TTC39A: variants seen among roughly 807,000 people sequenced by gnomAD.
TTC39A encodes tetratricopeptide repeat domain 39A.
In TTC39A, 46 loss-of-function variants were observed where a neutral mutation model predicts 82.3. The ratio of observed to expected loss-of-function variants is 0.56; its 90% CI spans 0.44 to 0.71. The LOEUF (loss-of-function observed/expected upper bound fraction) is 0.71, where lower values mean the gene tolerates loss of function less well. Ranked by LOEUF, TTC39A falls within the 30% of genes least tolerant of loss-of-function variation. The pLI is 0.00. For missense variants in TTC39A, 543 were observed against 712.9 expected (o/e 0.76, Z 2.71); for synonymous variants, 254 against 275.2 (o/e 0.92, Z 0.76).
At chr1:51,312,685 A>G in intron 3 of TTC39A, 127 bp downstream of exon 3, 1 of 1,374,190 alleles carries the variant, frequency 7.3e-7, no homozygotes, top group South Asian at 1.3e-5. Context: ...AGCTCTTAGC[A>G]CATGCAGACA....
rs115100514 is a variant in TTC39A, at chr1:51,306,916, G to A, written c.489-840C>T. 4.8e-3 allele frequency among the ~76,000 whole-genome samples: 665 copies of A among 139,966 alleles called. 2 individuals are homozygous for A. The highest frequency in any genetic ancestry group is 0.017 in the African/African-American group (626 of 36,858). The allele number at this position is 139,966 out of a possible 152,430, so 91.8% of individuals were successfully genotyped here. ...GTGATGACAGGCTCCAAGGAGAAGA[G>A]TCCTTGGGCCTGACTTAGTCTGGGG... On this transcript the variant is annotated intron_variant, in intron 6 of 17. Coordinates refer to ENST00000680483, the MANE Select transcript of TTC39A (RefSeq NM_001297663.2).
At chr1:51,312,994 C>A in intron 2 of TTC39A, 51 bp from the exon 3 acceptor site, 1 of 1,587,060 alleles carries the variant, frequency 6.3e-7, no homozygotes. Context: ...GCCCCAGAGG[C>A]AGCTGGTCCT....
chr1:51,292,776 A>C (rs1021497633), intron 14 of TTC39A, among the ~76,000 whole-genome samples: 1 of 152,188 alleles, frequency 6.6e-6, no homozygotes, highest in Non-Finnish European at 1.5e-5. Context: ...CTTCCCCCGA[A>C]ATAAATAAAA....
chr1:51,296,164 A>T lies in TTC39A; in HGVS notation c.1060T>A (p.Tyr354Asn). The T allele has an allele frequency of 6.3e-7, 1 of 1,591,676 alleles. No individual in the cohort carries two copies. Among genetic ancestry groups the T allele is most frequent in the Non-Finnish European group, 8.6e-7 (1 of 1,169,240 alleles). ...SKENCWSKATYIYMKAAYLSM... is the reference protein window; with the variant it reads ...SKENCWSKATNIYMKAAYLSM... Reference sequence around the variant, plus strand: ...AGGTAGGCGGCCTTCATGTAAATGTAGGTGGCCTGTGCGAGACAGAGCAAC... The same window carrying T: ...AGGTAGGCGGCCTTCATGTAAATGTTGGTGGCCTGTGCGAGACAGAGCAAC... Residue 354 changes from tyrosine to asparagine, a missense_variant, in exon 13 of 18, where the codon TAC becomes AAC. Tyr to Asn is a moderately radical substitution (Grantham distance 143). Transcript: ENST00000680483.
intron 2 of TTC39A, among the ~76,000 whole-genome samples, chr1:51,315,030 G>T (rs1645232775): frequency 6.6e-6 from 1 of 151,798 alleles, no homozygotes. Flanking sequence ...AACACCCCCA[G>T]CCCCCAGGCC....
chr1:51,340,020 G>A (rs1421220618), intron 1 of TTC39A, among the ~76,000 whole-genome samples: 2 of 152,072 alleles, frequency 1.3e-5, no homozygotes, highest in Admixed American at 6.6e-5. Flanking sequence ...GAGACTCCTC[G>A]CCCCTTCCTC....
intron 5 of TTC39A, 38 bp from the exon 6 acceptor site, chr1:51,309,363 G>A (rs764291782): frequency 6.2e-7 from 1 of 1,612,318 alleles, no homozygotes; most frequent in South Asian, 1.1e-5. Context: ...TGGCCCAGGT[G>A]GGCAGCTGCA....
At position 51,316,024 on chromosome 1, in the gene TTC39A, G is replaced by T. The variant is rs112540251; in HGVS notation, c.147-3081C>A. 5.6e-3 allele frequency among the ~76,000 whole-genome samples: 851 copies of T among 152,300 alleles called. 8 individuals carry two copies. The highest frequency in any genetic ancestry group is 0.019 in the African/African-American group (786 of 41,538). The stretch of plus-strand genomic sequence containing the variant: ...TTTCTATTTGGCAATGAGCCCCAGG[G>T]AATGAGGCAGCCCTCCTGACCAGCC... On this transcript the variant is annotated intron_variant, in intron 2 of 17. Coordinates refer to ENST00000680483, the MANE Select transcript of TTC39A (RefSeq NM_001297663.2).
chr1:51,330,441 C>A lies in TTC39A; in HGVS notation c.37G>T (p.Ala13Ser), dbSNP rs949640493. ...GCCTCCCAGCCGCGCACTTACCCCG[C>A]GGGCAGGGCTCCTGGGGCGCCGCCA... ...SAGGAPGALPAGTPESSLHEA... is the reference protein window; with the variant it reads ...SAGGAPGALPSGTPESSLHEA... The change falls in exon 1 of 18, where the codon GCG becomes TCG. Residue 13 changes from alanine (A) to serine (S), a missense_variant. Transcript: ENST00000680483. The surrounding 1 kb of genome is among the most constrained non-coding windows in gnomAD (Gnocchi z 4.5). 4.1e-6 allele frequency: 4 copies of A among 982,864 alleles called. No homozygotes were observed. The highest frequency in any genetic ancestry group is 4.8e-6 in the Non-Finnish European group (4 of 829,768). The allele number at this position is 982,864 out of a possible 1,614,324, so 60.9% of individuals were successfully genotyped here. A position where few individuals can be genotyped will look rare whatever the true frequency, so the allele number is the denominator to read the frequency against.
intron 1 of TTC39A, among the ~76,000 whole-genome samples, chr1:51,323,548 A>T (rs754011872): frequency 1.3e-5 from 2 of 151,974 alleles, no homozygotes; most frequent in Non-Finnish European, 2.9e-5. Flanking sequence ...AGACCTTTTT[A>T]TTCCATATTT....
chr1:51,326,875 T>C (rs1360988220), intron 1 of TTC39A, among the ~76,000 whole-genome samples: 3 of 152,154 alleles, frequency 2.0e-5, no homozygotes, highest in African/African-American at 7.2e-5. Context: ...CCACTGTGTG[T>C]TGGGGAACAG....
intron 12 of TTC39A, 184 bp downstream of exon 12, chr1:51,301,388 A>G (rs959913529): frequency 8.9e-6 from 6 of 672,446 alleles, no homozygotes; most frequent in Non-Finnish European, 1.4e-5. Context: ...TTTGTGACAC[A>G]TTGTGGTTCA....
At chr1:51,301,414 G>T in intron 12 of TTC39A, 158 bp downstream of exon 12, 1 of 921,518 alleles carries the variant, frequency 1.1e-6, no homozygotes, top group Non-Finnish European at 1.6e-6. Flanking sequence ...TTCTCTTGTG[G>T]TCTTTAGTTC....
chr1:51,302,475 CT>C (rs780433583), intron 10 of TTC39A, 30 bp downstream of exon 10: 321 of 1,607,116 alleles, frequency 2.0e-4, no homozygotes, highest in Non-Finnish European at 2.5e-4. Flanking sequence ...TGTTTGTGGG[CT>C]GGGGGTACCG....
chr1:51,336,873 G>A (rs2148320013), intron 1 of TTC39A, among the ~76,000 whole-genome samples: 1 of 152,270 alleles, frequency 6.6e-6, no homozygotes, highest in Middle Eastern at 3.4e-3. Context: ...CACTGCTGGT[G>A]ACAATAGAAA....
intron 2 of TTC39A, among the ~76,000 whole-genome samples, chr1:51,317,604 G>T (rs1645336237): frequency 6.6e-6 from 1 of 152,146 alleles, no homozygotes; most frequent in Admixed American, 6.5e-5. Flanking sequence ...TAAAAAATTA[G>T]CCAGGCCTGG....
chr1:51,306,861 C>CCCG (rs1414499669), intron 6 of TTC39A, among the ~76,000 whole-genome samples: 1 of 109,912 alleles, frequency 9.1e-6, no homozygotes, highest in African/African-American at 3.5e-5. Flanking sequence ...AGACCCCCCC[C>CCCG]CCCCGCCCCC....
chr1:51,342,581 G>A (rs1347655888), intron 1 of TTC39A, among the ~76,000 whole-genome samples: 2 of 152,328 alleles, frequency 1.3e-5, no homozygotes, highest in Middle Eastern at 3.4e-3. Flanking sequence ...TATGCTGTGG[G>A]ACACAGGGTG....
upstream of TTC39A, among the ~76,000 whole-genome samples, chr1:51,332,503 C>T (rs1178157831): frequency 2.0e-5 from 3 of 152,222 alleles, no homozygotes; most frequent in Admixed American, 1.3e-4. Context: ...TCAAGTGATC[C>T]GCCTACCTTG....
Sources: gnomAD v4.1 joint callset for allele counts (sites outside exome capture counted in the v4.1 genomes callset) on GRCh38, gnomAD v4.1.1 for gene constraint, Gnocchi (gnomAD v3.1) non-coding constraint, MANE v1.5 for transcripts, NCBI Gene and HGNC (gene_info 2026-07-23, HGNC 2026-07-21) for gene names.